The following TENM1 variants were observed in gnomAD, a reference collection of about 807,000 sequenced individuals.
The protein encoded by TENM1 is teneurin transmembrane protein 1.
A neutral mutation model predicts 174.8 loss-of-function variants in TENM1; 35 were observed. The observed-to-expected ratio is 0.20, with a 90% CI of 0.15 to 0.27. The LOEUF is 0.27. Ranked by LOEUF, TENM1 falls within the 10% of genes least tolerant of loss-of-function variation. TENM1 has a pLI of 1.00. For missense variants in TENM1, 1,633 were observed against 2,130.1 expected (o/e 0.77, Z 4.59); for synonymous variants, 781 against 798.7 (o/e 0.98, Z 0.37).
intron 5 of TENM1, among the ~76,000 whole-genome samples, chrX:124,675,479 C>G (rs2052044730): frequency 9.0e-6 from 1 of 110,753 alleles, no homozygotes; most frequent in African/African-American, 3.3e-5. Flanking sequence ...CAAGAATAGA[C>G]ATTATGAGCC....
the TENM1 span, among the ~76,000 whole-genome samples, chrX:125,136,039 G>C: frequency 9.0e-6 from 1 of 111,654 alleles, no homozygotes. Context: ...ATTAGGGTTA[G>C]TTTTCATTTA....
At chrX:124,990,227 G>T in the TENM1 span, among the ~76,000 whole-genome samples, 8 of 110,632 alleles carry the variant, frequency 7.2e-5, no homozygotes, top group African/African-American at 2.6e-4. Context: ...CCCCTTCCCA[G>T]CTTGAAAATA....
At chrX:125,198,967 AATTG>A in the TENM1 span, among the ~76,000 whole-genome samples, 3 of 111,497 alleles carry the variant, frequency 2.7e-5, no homozygotes, top group Admixed American at 1.9e-4. Context: ...CTGTTTCTGT[AATTG>A]TTGTAGAATG....
intron 3 of TENM1, among the ~76,000 whole-genome samples, chrX:124,834,502 T>A (rs2056354636): frequency 9.0e-6 from 1 of 111,464 alleles, no homozygotes; most frequent in African/African-American, 3.3e-5. Flanking sequence ...AAATTATTGG[T>A]AAACAGCTCA....
chrX:125,061,043 G>A, the TENM1 span, among the ~76,000 whole-genome samples: 2 of 107,409 alleles, frequency 1.9e-5, no homozygotes, highest in Admixed American at 1.0e-4. Context: ...ACACCCTCAT[G>A]TTTTTAATTT....
At chrX:124,565,828 T>A (rs1349278450) in intron 11 of TENM1, among the ~76,000 whole-genome samples, 1 of 111,374 alleles carries the variant, frequency 9.0e-6, no homozygotes, top group Non-Finnish European at 1.9e-5. Context: ...AAACAAAATG[T>A]TAATAAACAA....
rs963669911 is a variant in TENM1 at position 124,621,435 on chromosome X, T to A, written c.2077+20356A>T. 1.2e-4 allele frequency among the ~76,000 whole-genome samples: 13 copies of A among 112,115 alleles called. No individual in the cohort carries two copies. The South Asian group carries it at 4.5e-3, about 38-fold the overall frequency. Reference sequence around the variant, plus strand: ...TTGCAGTGAGCTGAGATCACGCCACTGCATTCCAGCCTGGGTGACACAGCA... The same window carrying A: ...TTGCAGTGAGCTGAGATCACGCCACAGCATTCCAGCCTGGGTGACACAGCA... On this transcript the variant is annotated intron_variant, in intron 11 of 31. Coordinates refer to ENST00000422452, the Ensembl canonical transcript of TENM1.
At chrX:124,589,464 G>A (rs2049673155) in intron 11 of TENM1, among the ~76,000 whole-genome samples, 2 of 110,048 alleles carry the variant, frequency 1.8e-5, no homozygotes, top group African/African-American at 3.3e-5. Context: ...CACTTTCCTC[G>A]ATTTTTTGGA....
intron 3 of TENM1, among the ~76,000 whole-genome samples, chrX:124,754,715 A>C (rs1330890869): frequency 9.3e-6 from 1 of 107,630 alleles, no homozygotes; most frequent in South Asian, 4.2e-4. Flanking sequence ...TTCAAAGAAC[A>C]TCTTTATTTC....
chrX:125,200,938 T>C, the TENM1 span, among the ~76,000 whole-genome samples: 2 of 111,766 alleles, frequency 1.8e-5, no homozygotes, highest in East Asian at 5.6e-4. Flanking sequence ...AAAAATTATA[T>C]GGACTCCAAA....
the TENM1 span, among the ~76,000 whole-genome samples, chrX:125,005,347 C>T: frequency 3.7e-5 from 4 of 108,110 alleles, no homozygotes; most frequent in East Asian, 2.9e-4. Flanking sequence ...CTGCAAGAGA[C>T]ACAACCTTAA....
chrX:124,931,303 G>T (rs1425213855), intron 1 of TENM1, among the ~76,000 whole-genome samples: 2 of 107,479 alleles, frequency 1.9e-5, no homozygotes, highest in African/African-American at 3.4e-5. Flanking sequence ...CATTTCAAAA[G>T]ATTCTAAAAG....
chrX:124,621,079 T>C (rs983909780), intron 11 of TENM1, among the ~76,000 whole-genome samples: 4 of 112,175 alleles, frequency 3.6e-5, no homozygotes, highest in Non-Finnish European at 7.5e-5. Context: ...TAGACACAAG[T>C]TGAGTATCCC....
intron 1 of TENM1, among the ~76,000 whole-genome samples, chrX:124,921,597 G>T (rs2058023949): frequency 9.0e-6 from 1 of 111,289 alleles, no homozygotes; most frequent in South Asian, 3.7e-4. Context: ...GCTTCCTTTT[G>T]TTGTCATTGT....
the TENM1 span, among the ~76,000 whole-genome samples, chrX:125,093,570 A>G: frequency 4.5e-5 from 5 of 111,710 alleles, no homozygotes; most frequent in African/African-American, 1.6e-4. Context: ...GAAATTTAAT[A>G]ACATTTACAG....
At chrX:125,078,591 G>A in the TENM1 span, among the ~76,000 whole-genome samples, 2 of 111,355 alleles carry the variant, frequency 1.8e-5, no homozygotes, top group East Asian at 5.6e-4. Flanking sequence ...CTGCTTATTG[G>A]TAGCAGTTTT....
chrX:125,157,619 G>A, the TENM1 span, among the ~76,000 whole-genome samples: 2 of 111,794 alleles, frequency 1.8e-5, no homozygotes, highest in African/African-American at 3.3e-5. Flanking sequence ...TGGTGGGAAC[G>A]AACTAGCATG....
At chrX:124,408,901 T>C (rs772850106) in intron 25 of TENM1, among the ~76,000 whole-genome samples, 3 of 96,497 alleles carry the variant, frequency 3.1e-5, no homozygotes, top group African/African-American at 1.2e-4. Flanking sequence ...TTCCCACCTA[T>C]GAGTGAGAAC....
At chrX:124,407,164 G>T (rs1215005163) in intron 25 of TENM1, among the ~76,000 whole-genome samples, 1 of 108,029 alleles carries the variant, frequency 9.3e-6, no homozygotes, top group Admixed American at 1.0e-4. Context: ...TAATTACCTG[G>T]GATAATAGGC....
Sources: allele counts gnomAD v4.1 joint callset (sites outside exome capture counted in the v4.1 genomes callset), GRCh38; gene constraint gnomAD v4.1.1; transcripts MANE v1.5; gene names NCBI Gene and HGNC (gene_info 2026-07-23, HGNC 2026-07-21).